Variants in GSDMD observed in about 807,000 individuals in gnomAD.
GSDMD encodes the protein gasdermin D.
GSDMD carries 46 observed loss-of-function variants against 46.7 expected under a neutral mutation model. The observed-to-expected ratio is 0.99, with a 90% CI of 0.78 to 1.26. The LOEUF (loss-of-function observed/expected upper bound fraction) is 1.26, where lower values mean the gene tolerates loss of function less well. GSDMD is among the 50% of genes most tolerant of loss of function. GSDMD has a pLI of 0.00. For missense variants in GSDMD, 649 were observed against 638.8 expected, an observed-to-expected ratio of 1.02 and a Z score of -0.17; for synonymous variants, 307 against 283.1, an observed-to-expected ratio of 1.08 and a Z score of -0.85.
At position 143,559,841 on chromosome 8, in the gene GSDMD, GGA is replaced by G; in HGVS notation, c.284_285del (p.Glu95AlafsTer17). The part of the protein sequence containing the change: ...AMDGQIQGSV[E>X]LAAPGQAKIA... ...TGGATGGGCAGATACAGGGCAGCGT[GGA>G]GCTGGCAGCCCCAGGACAGGCAAAG... is the stretch of plus-strand genomic sequence containing the variant. On this transcript the variant is annotated frameshift_variant, in exon 3 of 11. Transcript: ENST00000262580. LOFTEE classifies it high-confidence loss of function. The G allele has an allele frequency of 6.2e-7, 1 of 1,612,578 alleles. No homozygotes were observed. Among genetic ancestry groups the G allele is most frequent in the Non-Finnish European group, 8.5e-7 (1 of 1,179,884 alleles).
At chr8:143,557,466 AGGATGATGCCGCTGTGACGAC>A (rs1823335096), upstream of GSDMD, among the ~76,000 whole-genome samples, 1 of 146,924 alleles carries the variant, frequency 6.8e-6, no homozygotes, top group African/African-American at 2.6e-5. Flanking sequence ...GCTATGATGA[AGGATGATGCCGCTGTGACGAC>A]GGATGCTGCC....
At chr8:143,558,528 G>A (rs1055555182) in intron 1 of GSDMD, 77 bp downstream of exon 1, 7 of 1,305,280 alleles carry the variant, frequency 5.4e-6, no homozygotes, top group Non-Finnish European at 7.0e-6. Context: ...CCGGGTGGGG[G>A]ATGCTGGCCC....
At chr8:143,559,280 T>TAACCA in intron 1 of GSDMD, 52 bp from the exon 2 acceptor site, 1 of 579,430 alleles carries the variant, frequency 1.7e-6, no homozygotes, top group Non-Finnish European at 3.2e-6. Context: ...CTTCTCCCAC[T>TAACCA]CCCTCCCGCC....
rs546934615 is a variant in GSDMD at position 143,558,731 on chromosome 8, C to G, written c.-5+280C>G. The G allele has an allele frequency of 6.8e-6, 4 of 592,154 alleles. No homozygotes were observed. The African/African-American group carries it at 7.6e-5, about 11-fold the overall frequency. 36.7% of individuals were successfully genotyped at this position (592,154 alleles called of 1,614,324 possible). A position where few individuals can be genotyped will look rare whatever the true frequency, so the allele number is the denominator to read the frequency against. On this transcript the variant is annotated intron_variant, in intron 1 of 10. Coordinates refer to ENST00000262580, the MANE Select transcript of GSDMD (RefSeq NM_024736.7). ...CCCCCAGCTGCCTTCTGGGCCCAGC[C>G]TCCACTTTCAGCAGACCCAGCACTC...
In GSDMD at chr8:143,558,673, G is replaced by A. The variant is rs895175306; in HGVS notation, c.-5+222G>A. On this transcript the variant is annotated intron_variant, in intron 1 of 10. Transcript: ENST00000262580. ...GGGCTTGGGCTTGACTCCCAGGTCC[G>A]CCATCCAGGTTCCCGGGCCGGTGCT... is the stretch of plus-strand genomic sequence containing the variant. 2.6e-5 allele frequency: 15 copies of A among 575,402 alleles called. 1 individual carries two copies. The highest frequency in any genetic ancestry group is 2.0e-5 in the African/African-American group (1 of 51,048). 35.6% of individuals were successfully genotyped at this position (575,402 alleles called of 1,614,324 possible). A position where few individuals can be genotyped will look rare whatever the true frequency, so the allele number is the denominator to read the frequency against.
rs1297040773 is a variant in GSDMD at position 143,562,339 on chromosome 8, G to A, written c.1127G>A (p.Gly376Glu). The stretch of plus-strand genomic sequence containing the variant: ...GCTATCCCTGTTGTCTACCTGCTGG[G>A]GGCACTGACCAGTGAGCGGCCGCTG... ...ELAIPVVYLL[G>E]ALTMLSETQH... Residue 376 changes from glycine (G) to glutamate (E), a missense_variant, in exon 9 of 11, where the codon GGG (glycine) becomes GAG (glutamate). Coordinates refer to ENST00000262580, the MANE Select transcript of GSDMD (RefSeq NM_024736.7). 1.3e-6 allele frequency: 2 copies of A among 1,550,314 alleles called. No homozygotes were observed. The highest frequency in any genetic ancestry group is 1.7e-6 in the Non-Finnish European group (2 of 1,148,296).
At position 143,561,817 on chromosome 8, in the gene GSDMD, A is replaced by G. The variant is rs757253781; in HGVS notation, c.812A>G (p.Asn271Ser). ...CTCTCCATGATGAGGTGCCTCCACA[A>G]CTTCCTGACAGGTCAGTGCCCTCCT... ...SGLSMMRCLH[N>S]FLTDGVPAEG... is the part of the protein sequence containing the mutation. Residue 271 changes from asparagine to serine, a missense_variant, in exon 7 of 11, where the codon AAC (asparagine) becomes AGC (serine). Asn to Ser is a conservative substitution (Grantham distance 46). Coordinates refer to ENST00000262580, the MANE Select transcript of GSDMD (RefSeq NM_024736.7). 18 of 1,610,826 alleles carry G rather than the reference A, an allele frequency of 1.1e-5. No individual in the cohort carries two copies. Among genetic ancestry groups the G allele is most frequent in the Non-Finnish European group, 1.4e-5 (17 of 1,179,016 alleles).
chr8:143,559,296 C>CCGG, intron 1 of GSDMD, 36 bp from the exon 2 acceptor site: 2 of 1,052,404 alleles, frequency 1.9e-6, no homozygotes, highest in South Asian at 1.4e-5. Flanking sequence ...CCGCCCGCCC[C>CCGG]GAGAGCACAA....
At chr8:143,559,076 T>TAGAC in intron 1 of GSDMD, 1 of 595,728 alleles carries the variant, frequency 1.7e-6, no homozygotes, top group East Asian at 2.8e-5. Flanking sequence ...AGAGCAGGTC[T>TAGAC]GGGCGTCAGG....
At chr8:143,562,586 C>T in intron 10 of GSDMD, 65 bp downstream of exon 10, 1 of 1,596,918 alleles carries the variant, frequency 6.3e-7, no homozygotes, top group South Asian at 1.1e-5. Flanking sequence ...CCTGTGGCAC[C>T]TGGGAAGGGG....
upstream of GSDMD, among the ~76,000 whole-genome samples, chr8:143,557,648 C>A (rs918455923): frequency 6.6e-6 from 1 of 152,258 alleles, no homozygotes; most frequent in Admixed American, 6.5e-5. Flanking sequence ...GAGGGCCGCA[C>A]GGGTTGACAT....
At position 143,559,554 on chromosome 8, in the gene GSDMD, T is replaced by G; in HGVS notation, c.217+2T>G. On this transcript the variant is annotated splice_donor_variant, in intron 2 of 10. Transcript: ENST00000262580. LOFTEE classifies it high-confidence loss of function. ...TGGAGCCGGATGCCGCGGAACCAGGTGCCTGATGTGGTGCTGAGGCAGAGC... is the reference window on the plus strand; with the variant it reads ...TGGAGCCGGATGCCGCGGAACCAGGGGCCTGATGTGGTGCTGAGGCAGAGC... The G allele has an allele frequency of 6.2e-7, 1 of 1,611,408 alleles. No homozygotes were observed. The highest frequency in any genetic ancestry group is 8.5e-7 in the Non-Finnish European group (1 of 1,179,098).
intron 3 of GSDMD, chr8:143,560,365 C>T (rs762560979): frequency 1.1e-4 from 73 of 650,388 alleles, no homozygotes; most frequent in Non-Finnish European, 1.8e-4. Flanking sequence ...GGTGTGAACA[C>T]GGGGGCCCAG....
At chr8:143,558,104 G>A, upstream of GSDMD, 1 of 512,964 alleles carries the variant, frequency 1.9e-6, no homozygotes. Context: ...ATGTTGGTCA[G>A]TCTGGTCTTG....
At position 143,562,334 on chromosome 8, in the gene GSDMD, G is replaced by C; in HGVS notation, c.1122G>C (p.Leu374=). The change falls in exon 9 of 11, where the codon CTG becomes CTC. Residue 374 remains leucine, a synonymous_variant. Coordinates refer to ENST00000262580, the MANE Select transcript of GSDMD (RefSeq NM_024736.7). ...VPELAIPVVY[L]LGALTMLSET... The stretch of plus-strand genomic sequence containing the variant: ...AACTCGCTATCCCTGTTGTCTACCT[G>C]CTGGGGGCACTGACCAGTGAGCGGC... The C allele has an allele frequency of 1.9e-6, 3 of 1,550,772 alleles. No individual in the cohort carries two copies. The highest frequency in any genetic ancestry group is 1.4e-5 in the African/African-American group (1 of 73,320).
rs187977133 is a variant in GSDMD at position 143,562,007 on chromosome 8, G to T, written c.872G>T (p.Arg291Leu). The change falls in exon 8 of 11, where the codon CGG becomes CTG. Residue 291 changes from arginine (R) to leucine (L), a missense_variant. Coordinates refer to ENST00000262580, the MANE Select transcript of GSDMD (RefSeq NM_024736.7). ...GAFTEDFQGLRAEVETISKEL... is the reference protein window; with the variant it reads ...GAFTEDFQGLLAEVETISKEL... ...TTCACTGAAGACTTCCAGGGCCTAC[G>T]GGCAGAGGTGGAGACCATCTCCAAG... 3.1e-6 allele frequency: 5 copies of T among 1,605,030 alleles called. No homozygotes were observed. In the African/African-American group the frequency reaches 6.7e-5, roughly 21 times the overall value.
At chr8:143,561,156 G>A (rs1168990323) in intron 5 of GSDMD, 52 bp downstream of exon 5, 1 of 1,521,978 alleles carries the variant, frequency 6.6e-7, no homozygotes, top group South Asian at 1.1e-5. Flanking sequence ...GAGAAACAGG[G>A]AGGCCTGGGG....
upstream of GSDMD, among the ~76,000 whole-genome samples, chr8:143,557,378 G>A (rs374284757): frequency 0.19 from 15,908 of 83,536 alleles, 1,932 homozygotes; most frequent in Non-Finnish European, 0.27. Flanking sequence ...TGCCGCTATG[G>A]CGAAGGATGA....
At chr8:143,559,123 T>C in intron 1 of GSDMD, 1 of 601,416 alleles carries the variant, frequency 1.7e-6, no homozygotes, top group East Asian at 2.8e-5. Flanking sequence ...CATGGTACCG[T>C]AGACAACAGG....
Sources: allele counts gnomAD v4.1 joint callset (sites outside exome capture counted in the v4.1 genomes callset), GRCh38; gene constraint gnomAD v4.1.1; transcripts MANE v1.5; gene names NCBI Gene and HGNC (gene_info 2026-07-23, HGNC 2026-07-21).